Variants in BMP6 observed in about 807,000 individuals in gnomAD.
BMP6 encodes the protein VG-1-R.
Under a neutral mutation model 54.1 loss-of-function variants are expected in BMP6, and 17 were observed. The observed-to-expected ratio is 0.31, with a 90% CI of 0.22 to 0.47. The LOEUF (loss-of-function observed/expected upper bound fraction) is 0.47. Among genes scored for constraint, BMP6 ranks in the 20% least tolerant of loss-of-function variants. The probability of loss-of-function intolerance (pLI) is 1.00; values close to 1 mark genes in which losing one functional copy is unlikely to be tolerated. For missense variants in BMP6, 720 were observed against 690.4 expected (o/e 1.04, Z -0.48); for synonymous variants, 328 against 291.2 (o/e 1.13, Z -1.28).
At chr6:7,787,799 A>G (rs900130629) in intron 1 of BMP6, among the ~76,000 whole-genome samples, 1 of 152,228 alleles carries the variant, frequency 6.6e-6, no homozygotes. Flanking sequence ...GGCTTTCATT[A>G]TAGTAATAAC....
chr6:7,779,682 C>G (rs1005180334), intron 1 of BMP6, among the ~76,000 whole-genome samples: 4 of 152,162 alleles, frequency 2.6e-5, no homozygotes, highest in African/African-American at 9.7e-5. Flanking sequence ...TGCCATTACT[C>G]TTACATAGAA....
intron 1 of BMP6, among the ~76,000 whole-genome samples, chr6:7,766,125 T>C (rs1757684404): frequency 6.6e-6 from 1 of 152,240 alleles, no homozygotes; most frequent in African/African-American, 2.4e-5. Context: ...ACTTAATGTC[T>C]TCACAATGAC....
Position 7,728,659 on chromosome 6 carries a change from G to T in BMP6, c.664+1040G>T, listed in dbSNP as rs1247750049. 4.6e-5 allele frequency among the ~76,000 whole-genome samples: 7 copies of T among 152,342 alleles called. No individual in the cohort carries two copies. In the East Asian group the frequency reaches 1.4e-3, roughly 29 times the overall value. On this transcript the variant is annotated intron_variant, in intron 1 of 6. Transcript: ENST00000283147. Reference sequence around the variant, plus strand: ...CAGACATAGGATGGAGGGACGCGCTGTCAGCGGACAGATCATGGGTGCACT... The same window carrying T: ...CAGACATAGGATGGAGGGACGCGCTTTCAGCGGACAGATCATGGGTGCACT...
At chr6:7,811,426 G>T (rs1285704691) in intron 1 of BMP6, among the ~76,000 whole-genome samples, 1 of 152,186 alleles carries the variant, frequency 6.6e-6, no homozygotes, top group East Asian at 1.9e-4. Flanking sequence ...GATTTGGAGG[G>T]ATGTAGCGCT....
chr6:7,769,730 A>T (rs1233124823), intron 1 of BMP6, among the ~76,000 whole-genome samples: 3 of 73,148 alleles, frequency 4.1e-5, no homozygotes, highest in African/African-American at 9.8e-5. Context: ...TTATTTTTAA[A>T]AGTCAAACGA....
In BMP6 at chr6:7,726,882, A is replaced by G. The variant is rs1761734451; in HGVS notation, c.-74A>G. On this transcript the variant is annotated 5_prime_UTR_variant, in exon 1 of 7. Coordinates refer to ENST00000283147, the MANE Select transcript of BMP6 (RefSeq NM_001718.6). The stretch of plus-strand genomic sequence containing the variant: ...GGGGACTGCTCACGCCAAGGGCCAC[A>G]GCGGCCGCGCTCCGGCCTCGCTCCG... 1 of 991,574 alleles carries G rather than the reference A, an allele frequency of 1.0e-6. No homozygotes were observed. The highest frequency in any genetic ancestry group is 1.2e-6 in the Non-Finnish European group (1 of 816,978). 61.4% of individuals were successfully genotyped at this position (991,574 alleles called of 1,614,324 possible).
chr6:7,793,348 T>C (rs1053268713), intron 1 of BMP6, among the ~76,000 whole-genome samples: 1 of 152,064 alleles, frequency 6.6e-6, no homozygotes, highest in African/African-American at 2.4e-5. Context: ...GTAAAAACAT[T>C]AGTGGTGGCC....
intron 4 of BMP6, among the ~76,000 whole-genome samples, chr6:7,864,897 T>C (rs1185406506): frequency 2.0e-5 from 3 of 152,206 alleles, no homozygotes; most frequent in African/African-American, 7.2e-5. Flanking sequence ...CTTCGGGCTA[T>C]GATGATGAAG....
chr6:7,748,498 T>C (rs1757377719), intron 1 of BMP6, among the ~76,000 whole-genome samples: 1 of 152,212 alleles, frequency 6.6e-6, no homozygotes, highest in Non-Finnish European at 1.5e-5. Flanking sequence ...AAAGCACTTA[T>C]ATATGATGGA....
intron 1 of BMP6, among the ~76,000 whole-genome samples, chr6:7,834,438 A>G (rs988211867): frequency 8.5e-5 from 13 of 152,134 alleles, no homozygotes; most frequent in Non-Finnish European, 1.6e-4. Flanking sequence ...AGAAAGAATG[A>G]TAGTATAATA....
At chr6:7,874,071 G>A (rs1325038512) in intron 4 of BMP6, among the ~76,000 whole-genome samples, 7 of 152,148 alleles carry the variant, frequency 4.6e-5, no homozygotes, top group African/African-American at 1.4e-4. Flanking sequence ...TAGGACCTTG[G>A]GGTCTTCAGG....
chr6:7,810,418 G>C (rs928652196), intron 1 of BMP6, among the ~76,000 whole-genome samples: 4 of 152,228 alleles, frequency 2.6e-5, no homozygotes, highest in African/African-American at 9.6e-5. Flanking sequence ...AGGCTCCAGA[G>C]GCAGCTGGTG....
rs1297744914 is a variant in BMP6 at position 7,880,743 on chromosome 6, A to G, written c.*400A>G. The G allele has an allele frequency of 3.7e-6, 1 of 271,456 alleles. No individual in the cohort carries two copies. The highest frequency in any genetic ancestry group is 4.7e-5 in the South Asian group (1 of 21,240). 16.8% of individuals were successfully genotyped at this position (271,456 alleles called of 1,614,324 possible). ...TAAATGTATTCTTGGCTAAAGGATCAGCTGGTTCAGTACTGTCTATCAAAG... is the reference window on the plus strand; with the variant it reads ...TAAATGTATTCTTGGCTAAAGGATCGGCTGGTTCAGTACTGTCTATCAAAG... On this transcript the variant is annotated 3_prime_UTR_variant, in exon 7 of 7. Coordinates refer to ENST00000283147, the MANE Select transcript of BMP6 (RefSeq NM_001718.6).
chr6:7,810,973 G>C (rs960289084), intron 1 of BMP6, among the ~76,000 whole-genome samples: 1 of 152,120 alleles, frequency 6.6e-6, no homozygotes, highest in African/African-American at 2.4e-5. Flanking sequence ...TCTGAAACTG[G>C]GCCCTCATTG....
At chr6:7,772,493 CA>C (rs1757804896) in intron 1 of BMP6, among the ~76,000 whole-genome samples, 1 of 152,136 alleles carries the variant, frequency 6.6e-6, no homozygotes, top group Non-Finnish European at 1.5e-5. Context: ...TAGATGGGGC[CA>C]AAGCAAGCCA....
In BMP6 at chr6:7,872,804, C is replaced by CT. The variant is rs1035204084; in HGVS notation, c.1205-6261dup. ...AAGTGTCTTGCAATTCAATCCAATT[C>CT]TTTTTTTTTCTTTTTTTTTTTTTTT... On this transcript the variant is annotated intron_variant, in intron 4 of 6. Coordinates refer to ENST00000283147, the MANE Select transcript of BMP6 (RefSeq NM_001718.6). 5.5e-4 allele frequency among the ~76,000 whole-genome samples: 63 copies of CT among 114,518 alleles called. No individual in the cohort carries two copies. The East Asian group carries it at 0.018, about 32-fold the overall frequency. 75.1% of individuals were successfully genotyped at this position (114,518 alleles called of 152,430 possible).
At chr6:7,846,166 G>A (rs967168641) in intron 2 of BMP6, among the ~76,000 whole-genome samples, 1 of 152,134 alleles carries the variant, frequency 6.6e-6, no homozygotes, top group Non-Finnish European at 1.5e-5. Context: ...GTGATATGAC[G>A]GTCTGGCAAT....
rs565035823 is a variant in BMP6, at chr6:7,755,010, G to A, written c.664+27391G>A. 9.2e-5 allele frequency among the ~76,000 whole-genome samples: 14 copies of A among 152,288 alleles called. No homozygotes were observed. The East Asian group carries it at 1.9e-3, about 21-fold the overall frequency. On this transcript the variant is annotated intron_variant, in intron 1 of 6. Transcript: ENST00000283147. ...TGGGATTACAGGCGTGAGCCACCGC[G>A]CCCGGACTAATTTTCTAACCTTTTT...
chr6:7,735,790 A>G (rs1761945903), intron 1 of BMP6, among the ~76,000 whole-genome samples: 2 of 152,196 alleles, frequency 1.3e-5, no homozygotes, highest in Non-Finnish European at 2.9e-5. Flanking sequence ...GTTCACTCGT[A>G]GTGTTGCAGA....
Sources: allele counts gnomAD v4.1 joint callset (sites outside exome capture counted in the v4.1 genomes callset), GRCh38; gene constraint gnomAD v4.1.1; transcripts MANE v1.5; gene names NCBI Gene and HGNC (gene_info 2026-07-23, HGNC 2026-07-21).